Variants in SGCZ observed in about 807,000 individuals in gnomAD.
SGCZ encodes sarcoglycan zeta, also known as zeta-sarcoglycan.
Under a neutral mutation model 41.3 loss-of-function variants are expected in SGCZ, and 40 were observed. That is an observed-to-expected ratio of 0.97 (90% confidence interval 0.75 to 1.26). The LOEUF is 1.26. Ranked by LOEUF, SGCZ falls within the 50% of genes most tolerant of loss-of-function variation. The pLI, the probability that SGCZ is intolerant of heterozygous loss-of-function variation, is 0.00. For synonymous variants in SGCZ, 206 were observed against 137.5 expected, an observed-to-expected ratio of 1.50 and a Z score of -3.49; for missense variants, 552 against 369.8, an observed-to-expected ratio of 1.49 and a Z score of -4.04.
At position 14,090,428 on chromosome 8, in the gene SGCZ, G is replaced by A. The variant is rs1801650970; in HGVS notation, c.*15C>T. ...GAACAAAAGGCTATTCTGGTGTGAG[G>A]AGAAATCAGTCACTTCAGCTCCACA... On this transcript the variant is annotated 3_prime_UTR_variant, in exon 8 of 8. Transcript: ENST00000382080. 5.6e-6 allele frequency: 9 copies of A among 1,607,852 alleles called. No homozygotes were observed. Among genetic ancestry groups the A allele is most frequent in the South Asian group, 1.1e-5 (1 of 90,302 alleles).
At chr8:14,957,890 T>G (rs1190312689) in intron 1 of SGCZ, among the ~76,000 whole-genome samples, 1 of 152,076 alleles carries the variant, frequency 6.6e-6, no homozygotes, top group Non-Finnish European at 1.5e-5. Context: ...TTCATTCATT[T>G]ACTAAGAGAA....
chr8:14,818,804 G>A (rs1003434660), intron 1 of SGCZ, among the ~76,000 whole-genome samples: 3 of 151,878 alleles, frequency 2.0e-5, no homozygotes, highest in Non-Finnish European at 2.9e-5. Flanking sequence ...AGAGCTTCAA[G>A]AACAGATTAG....
intron 4 of SGCZ, among the ~76,000 whole-genome samples, chr8:14,212,214 G>T (rs1327834706): frequency 6.6e-6 from 1 of 151,958 alleles, no homozygotes. Context: ...ACCCACACTG[G>T]CTCCTCCCTT....
At chr8:15,211,054 T>TATAG (rs1241964647) in intron 1 of SGCZ, among the ~76,000 whole-genome samples, 20 of 97,608 alleles carry the variant, frequency 2.0e-4, no homozygotes, top group South Asian at 1.0e-3. Context: ...TATAGATAGA[T>TATAG]ATAGATATAC....
At chr8:15,094,433 C>T (rs1806261346) in intron 1 of SGCZ, among the ~76,000 whole-genome samples, 1 of 152,156 alleles carries the variant, frequency 6.6e-6, no homozygotes. Context: ...CTTTGCCCAG[C>T]AACAGGCCAG....
intron 3 of SGCZ, among the ~76,000 whole-genome samples, chr8:14,296,209 T>C (rs1267606540): frequency 6.6e-6 from 1 of 152,038 alleles, no homozygotes; most frequent in Non-Finnish European, 1.5e-5. Flanking sequence ...AAGCCAACAC[T>C]CTTGAAGCAA....
At chr8:14,462,949 T>A (rs1161523729) in intron 2 of SGCZ, among the ~76,000 whole-genome samples, 1 of 151,792 alleles carries the variant, frequency 6.6e-6, no homozygotes, top group East Asian at 1.9e-4. Context: ...TCTGATGCTA[T>A]TGTAAACTTA....
chr8:14,422,920 T>A (rs908069290), intron 2 of SGCZ, among the ~76,000 whole-genome samples: 12 of 152,080 alleles, frequency 7.9e-5, no homozygotes, highest in Non-Finnish European at 1.6e-4. Flanking sequence ...CCCAGCCACT[T>A]CAGGGACTGA....
chr8:14,248,765 T>A (rs1799190549), intron 3 of SGCZ, among the ~76,000 whole-genome samples: 1 of 150,030 alleles, frequency 6.7e-6, no homozygotes, highest in Non-Finnish European at 1.5e-5. Context: ...TTTTTTTTTC[T>A]CCTAAAATCT....
intron 4 of SGCZ, among the ~76,000 whole-genome samples, chr8:14,235,948 G>T (rs572410673): frequency 6.6e-6 from 1 of 152,294 alleles, no homozygotes; most frequent in East Asian, 1.9e-4. Flanking sequence ...CTCCCAAAGC[G>T]CTGGGATTAC....
chr8:14,861,633 C>T (rs950712983), intron 1 of SGCZ, among the ~76,000 whole-genome samples: 12 of 151,774 alleles, frequency 7.9e-5, no homozygotes, highest in African/African-American at 4.8e-5. Context: ...AGAGAGATTC[C>T]GTAAAAGATA....
chr8:15,148,026 T>A (rs1799082646), intron 1 of SGCZ, among the ~76,000 whole-genome samples: 1 of 150,578 alleles, frequency 6.6e-6, no homozygotes, highest in African/African-American at 2.5e-5. Flanking sequence ...AAATTTACAT[T>A]TTCTCTCTTT....
chr8:14,908,870 CG>C (rs1799198937), intron 1 of SGCZ, among the ~76,000 whole-genome samples: 1 of 151,658 alleles, frequency 6.6e-6, no homozygotes. Context: ...CATTTATATG[CG>C]ACGAATAGTT....
At chr8:14,486,273 C>G (rs1437475122) in intron 2 of SGCZ, among the ~76,000 whole-genome samples, 3 of 151,942 alleles carry the variant, frequency 2.0e-5, no homozygotes, top group African/African-American at 7.3e-5. Flanking sequence ...TCCTGTGGAA[C>G]CAGATATAGA....
rs572409301 is a variant in SGCZ, at chr8:14,619,909, T to C, written c.40-64983A>G. Among the ~76,000 whole-genome samples, 13 of 152,274 alleles carry C rather than the reference T, an allele frequency of 8.5e-5. No homozygotes were observed. In the South Asian group the frequency reaches 2.7e-3, roughly 32 times the overall value. On this transcript the variant is annotated intron_variant, in intron 1 of 7. Transcript: ENST00000382080. ...CAATGCCATCCCATCAAGCTACCAA[T>C]GCCTTTCTTCACAGAATTGGAAAAA...
intron 1 of SGCZ, among the ~76,000 whole-genome samples, chr8:14,861,876 T>C (rs1420385484): frequency 6.6e-6 from 1 of 152,086 alleles, no homozygotes; most frequent in Non-Finnish European, 1.5e-5. Context: ...AAGAGTTCCT[T>C]TCTTCTCCAA....
At chr8:14,461,256 A>G (rs1050081708) in intron 2 of SGCZ, among the ~76,000 whole-genome samples, 6 of 152,148 alleles carry the variant, frequency 3.9e-5, no homozygotes, top group African/African-American at 1.4e-4. Context: ...CTAGTCCCAC[A>G]GGAAATATCC....
chr8:15,227,828 T>A (rs535659396), intron 1 of SGCZ, among the ~76,000 whole-genome samples: 1 of 152,254 alleles, frequency 6.6e-6, no homozygotes, highest in South Asian at 2.1e-4. Flanking sequence ...TCACTAAACA[T>A]CAGAAAGCTG....
chr8:14,826,815 T>C (rs1802340820), intron 1 of SGCZ, among the ~76,000 whole-genome samples: 1 of 152,244 alleles, frequency 6.6e-6, no homozygotes, highest in Non-Finnish European at 1.5e-5. Flanking sequence ...TTTGAGTTCA[T>C]TGTAGATTCT....
Sources: allele counts gnomAD v4.1 joint callset (sites outside exome capture counted in the v4.1 genomes callset), GRCh38; gene constraint gnomAD v4.1.1; transcripts MANE v1.5; gene names NCBI Gene and HGNC (gene_info 2026-07-23, HGNC 2026-07-21).